OPCML: variants seen among roughly 807,000 people sequenced by gnomAD.
OPCML encodes the protein opioid-binding protein/cell adhesion molecule.
In OPCML, 13 loss-of-function variants were observed where a neutral mutation model predicts 37.8. That is an observed-to-expected ratio of 0.34 (90% CI 0.22 to 0.55). The LOEUF is 0.55. OPCML is among the 20% of genes least tolerant of loss of function. The probability of loss-of-function intolerance (pLI) is 0.91; values close to 1 mark genes in which losing one functional copy is unlikely to be tolerated. For synonymous variants in OPCML, 176 were observed against 168.8 expected (o/e 1.04, Z -0.33); for missense variants, 341 against 435.6 (o/e 0.78, Z 1.93).
chr11:132,864,968 C>T (rs1223230153), intron 2 of OPCML, among the ~76,000 whole-genome samples: 1 of 152,358 alleles, frequency 6.6e-6, no homozygotes, highest in East Asian at 1.9e-4. Flanking sequence ...GGAGAGCGGA[C>T]AGCGAGCCCC....
At chr11:133,058,883 A>C (rs1241405528) in intron 1 of OPCML, among the ~76,000 whole-genome samples, 1 of 152,238 alleles carries the variant, frequency 6.6e-6, no homozygotes. Flanking sequence ...TGAAGCCTGA[A>C]GTGTGAAGAT....
chr11:132,424,268 T>C (rs1187231565), intron 7 of OPCML, among the ~76,000 whole-genome samples: 1 of 151,962 alleles, frequency 6.6e-6, no homozygotes, highest in African/African-American at 2.4e-5. Flanking sequence ...TACAGACGCC[T>C]GCCACCATGC....
At chr11:132,639,706 G>T (rs146728601) in intron 3 of OPCML, among the ~76,000 whole-genome samples, 347 of 152,346 alleles carry the variant, frequency 2.3e-3, no homozygotes, top group African/African-American at 7.7e-3. Context: ...CAAAAGTTGA[G>T]CATTGCCTGC....
intron 2 of OPCML, among the ~76,000 whole-genome samples, chr11:132,745,772 C>T (rs1407632900): frequency 6.6e-6 from 1 of 152,076 alleles, no homozygotes; most frequent in Non-Finnish European, 1.5e-5. Flanking sequence ...CAGGTGGAAG[C>T]AGTGTCTATG....
At chr11:132,426,886 G>C (rs920790003) in intron 7 of OPCML, among the ~76,000 whole-genome samples, 1 of 152,180 alleles carries the variant, frequency 6.6e-6, no homozygotes, top group Non-Finnish European at 1.5e-5. Context: ...CTCTTGAGTG[G>C]CAGGTGTTGA....
At chr11:132,473,327 C>T (rs562720537) in intron 4 of OPCML, among the ~76,000 whole-genome samples, 111 of 152,328 alleles carry the variant, frequency 7.3e-4, no homozygotes, top group Non-Finnish European at 1.3e-3. Flanking sequence ...ACAGAAACTA[C>T]CTCTTCTGGA....
intron 3 of OPCML, among the ~76,000 whole-genome samples, chr11:132,549,959 C>G (rs1468262415): frequency 6.6e-6 from 1 of 152,158 alleles, no homozygotes; most frequent in Admixed American, 6.5e-5. Context: ...CCGTGTCCTA[C>G]ATTTTCCTGG....
At chr11:133,096,036 G>A (rs1184247693) in intron 1 of OPCML, among the ~76,000 whole-genome samples, 1 of 151,782 alleles carries the variant, frequency 6.6e-6, no homozygotes, top group African/African-American at 2.4e-5. Flanking sequence ...GAATGAATAA[G>A]TAAAATCAAA....
chr11:132,837,660 G>T (rs919783559), intron 2 of OPCML, among the ~76,000 whole-genome samples: 1 of 152,154 alleles, frequency 6.6e-6, no homozygotes, highest in African/African-American at 2.4e-5. Context: ...ATCAGCAAGG[G>T]GCCAAGGTCA....
intron 2 of OPCML, among the ~76,000 whole-genome samples, chr11:132,659,659 T>C (rs1198942231): frequency 6.6e-6 from 1 of 152,152 alleles, no homozygotes; most frequent in Non-Finnish European, 1.5e-5. Context: ...TTTTTGGCCT[T>C]TAGAACATAT....
chr11:133,299,387 A>T (rs1413229288), intron 1 of OPCML: 1 of 152,274 alleles, frequency 6.6e-6, no homozygotes, highest in African/African-American at 2.4e-5. Flanking sequence ...TGAAGCTCTG[A>T]GGCCAATAGT....
chr11:132,517,118 G>T (rs983828851), intron 4 of OPCML, among the ~76,000 whole-genome samples: 4 of 152,186 alleles, frequency 2.6e-5, no homozygotes, highest in Admixed American at 1.3e-4. Flanking sequence ...TCAGTTTAGA[G>T]CAGGGATTAT....
At chr11:132,722,798 G>C (rs968424064) in intron 2 of OPCML, among the ~76,000 whole-genome samples, 6 of 152,164 alleles carry the variant, frequency 3.9e-5, no homozygotes, top group African/African-American at 1.4e-4. Flanking sequence ...AGATCTCCCA[G>C]GCTGGCCCTT....
At chr11:133,475,213 T>G (rs766936138) in intron 1 of OPCML, among the ~76,000 whole-genome samples, 3 of 128,466 alleles carry the variant, frequency 2.3e-5, no homozygotes, top group African/African-American at 1.3e-4. Context: ...TTTTTGTGGT[T>G]TTTTTTTGTT....
At chr11:132,632,241 A>ATT (rs67176157) in intron 3 of OPCML, among the ~76,000 whole-genome samples, 1,123 of 111,500 alleles carry the variant, frequency 0.01, 15 homozygotes, top group African/African-American at 0.037. Context: ...ATTCAAACAC[A>ATT]TTTTTTTTTT....
chr11:132,484,812 G>C (rs901514601), intron 4 of OPCML, among the ~76,000 whole-genome samples: 7 of 151,994 alleles, frequency 4.6e-5, no homozygotes, highest in African/African-American at 1.5e-4. Flanking sequence ...GTAAACTATC[G>C]CAAGAACAAA....
chr11:132,948,774 G>C (rs970487252), intron 1 of OPCML, among the ~76,000 whole-genome samples: 3 of 152,096 alleles, frequency 2.0e-5, no homozygotes, highest in African/African-American at 2.4e-5. Context: ...ATGAATTATC[G>C]TTATGTAGCC....
chr11:133,378,647 G>A (rs992921173), intron 1 of OPCML, among the ~76,000 whole-genome samples: 5 of 151,740 alleles, frequency 3.3e-5, no homozygotes, highest in Admixed American at 6.6e-5. Flanking sequence ...TGCTGCATGC[G>A]AATTTCTTTC....
intron 2 of OPCML, among the ~76,000 whole-genome samples, chr11:132,715,883 G>C (rs1286907890): frequency 2.0e-5 from 3 of 152,206 alleles, no homozygotes; most frequent in African/African-American, 7.2e-5. Context: ...GGTCGGAATA[G>C]AGGTAGAAGC....
Sources: gnomAD v4.1 joint callset for allele counts (sites outside exome capture counted in the v4.1 genomes callset) on GRCh38, gnomAD v4.1.1 for gene constraint, MANE v1.5 for transcripts, NCBI Gene and HGNC (gene_info 2026-07-23, HGNC 2026-07-21) for gene names.